The following COL25A1 variants were observed in gnomAD, a reference collection of about 807,000 sequenced individuals.
COL25A1 encodes collagen type XXV alpha 1 chain.
COL25A1 carries 103 observed loss-of-function variants against 128.4 expected under a neutral mutation model. The ratio of observed to expected loss-of-function variants is 0.80; its 90% CI spans 0.68 to 0.94. The LOEUF is 0.94. Among genes scored for constraint, COL25A1 ranks in the 40% least tolerant of loss-of-function variants. The pLI is 0.00. For synonymous variants in COL25A1, 279 were observed against 277.2 expected (o/e 1.01, Z -0.06); for missense variants, 745 against 840.0 (o/e 0.89, Z 1.40).
chr4:108,983,170 T>G (rs1336636307), intron 6 of COL25A1, among the ~76,000 whole-genome samples: 1 of 151,382 alleles, frequency 6.6e-6, no homozygotes. Flanking sequence ...TTGCTAAAAC[T>G]TCTTTGTTTA....
At chr4:109,116,156 G>A (rs760185400) in intron 3 of COL25A1, among the ~76,000 whole-genome samples, 1 of 152,064 alleles carries the variant, frequency 6.6e-6, no homozygotes, top group Non-Finnish European at 1.5e-5. Flanking sequence ...GAGGGACACA[G>A]TAATGGGGCC....
chr4:108,944,869 A>T (rs1409111404), intron 8 of COL25A1, among the ~76,000 whole-genome samples: 1 of 152,176 alleles, frequency 6.6e-6, no homozygotes, highest in Non-Finnish European at 1.5e-5. Context: ...GACTGTGAAA[A>T]TGCTACCAAT....
At chr4:109,092,726 T>C (rs1002168240) in intron 3 of COL25A1, among the ~76,000 whole-genome samples, 1 of 152,222 alleles carries the variant, frequency 6.6e-6, no homozygotes, top group Non-Finnish European at 1.5e-5. Context: ...TGACAATGTC[T>C]ACAAGACATT....
chr4:109,211,036 G>A (rs1202642684), intron 3 of COL25A1, among the ~76,000 whole-genome samples: 1 of 151,816 alleles, frequency 6.6e-6, no homozygotes, highest in African/African-American at 2.4e-5. Context: ...GAACGGAGAG[G>A]AGGGTGGATG....
intron 14 of COL25A1, 129 bp from the exon 15 acceptor site, chr4:108,899,309 G>T: frequency 1.4e-6 from 1 of 717,198 alleles, no homozygotes; most frequent in Non-Finnish European, 2.3e-6. Flanking sequence ...TTGGCTACAT[G>T]CAGTTGCTAT....
chr4:109,086,637 G>A (rs1022889770), intron 3 of COL25A1, among the ~76,000 whole-genome samples: 4 of 152,144 alleles, frequency 2.6e-5, no homozygotes, highest in Non-Finnish European at 5.9e-5. Context: ...GACTCTTAAT[G>A]CATCTAAATA....
intron 3 of COL25A1, among the ~76,000 whole-genome samples, chr4:109,267,647 T>C (rs1781882841): frequency 6.6e-6 from 1 of 152,138 alleles, no homozygotes. Flanking sequence ...TCCAAAAATC[T>C]GAAATCTGAA....
intron 3 of COL25A1, among the ~76,000 whole-genome samples, chr4:109,292,257 A>G (rs1724544155): frequency 6.6e-6 from 1 of 152,102 alleles, no homozygotes; most frequent in South Asian, 2.1e-4. Flanking sequence ...GGTTTCTCAT[A>G]TAATTTCATT....
intron 3 of COL25A1, among the ~76,000 whole-genome samples, chr4:109,262,417 G>C (rs1781516433): frequency 6.6e-6 from 1 of 152,070 alleles, no homozygotes. Flanking sequence ...GGGAGGCTGA[G>C]GCAGGAGAAT....
intron 16 of COL25A1, among the ~76,000 whole-genome samples, chr4:108,894,898 C>A (rs2125854011): frequency 6.6e-6 from 1 of 152,304 alleles, no homozygotes; most frequent in African/African-American, 2.4e-5. Context: ...TGATACTCAA[C>A]TGTGGGTGGC....
chr4:109,205,369 G>A (rs1379567632), intron 3 of COL25A1, among the ~76,000 whole-genome samples: 2 of 152,080 alleles, frequency 1.3e-5, no homozygotes, highest in African/African-American at 4.8e-5. Flanking sequence ...TAAAGACTAC[G>A]TTTCCCAGCC....
intron 3 of COL25A1, among the ~76,000 whole-genome samples, chr4:109,145,489 A>G (rs985258978): frequency 3.9e-5 from 6 of 152,204 alleles, no homozygotes; most frequent in Admixed American, 6.5e-5. Context: ...TCTTTATTTC[A>G]TTCCTTTTAT....
chr4:108,851,498 A>G (rs1735772692), intron 26 of COL25A1, among the ~76,000 whole-genome samples: 1 of 152,172 alleles, frequency 6.6e-6, no homozygotes, highest in Non-Finnish European at 1.5e-5. Context: ...ACAAAAGATG[A>G]ATTCTGAAAT....
At chr4:109,088,236 T>C (rs192727052) in intron 3 of COL25A1, among the ~76,000 whole-genome samples, 22 of 152,190 alleles carry the variant, frequency 1.4e-4, no homozygotes, top group Non-Finnish European at 2.8e-4. Flanking sequence ...ACATCTTTAA[T>C]TTCCTCAGCT....
chr4:109,300,273 A>G (rs1211263095), intron 3 of COL25A1, among the ~76,000 whole-genome samples: 1 of 152,084 alleles, frequency 6.6e-6, no homozygotes, highest in African/African-American at 2.4e-5. Flanking sequence ...TGTAGACATT[A>G]AGACAATTTA....
chr4:108,869,741 A>T (rs73840726), intron 19 of COL25A1, among the ~76,000 whole-genome samples: 2,991 of 152,296 alleles, frequency 0.02, 98 homozygotes, highest in African/African-American at 0.066. Context: ...GAGGTCAAAT[A>T]TAAGAGTTTA....
intron 20 of COL25A1, among the ~76,000 whole-genome samples, chr4:108,864,506 C>T (rs1737644011): frequency 6.6e-6 from 1 of 152,174 alleles, no homozygotes; most frequent in Non-Finnish European, 1.5e-5. Context: ...TCGGGTTTTA[C>T]AGTTTTTTAA....
chr4:109,092,129 A>G (rs1764967178), intron 3 of COL25A1, among the ~76,000 whole-genome samples: 1 of 152,192 alleles, frequency 6.6e-6, no homozygotes, highest in African/African-American at 2.4e-5. Context: ...CGACCCAGGG[A>G]AAGTGACCGT....
chr4:109,131,627 G>A (rs1422621761), intron 3 of COL25A1, among the ~76,000 whole-genome samples: 1 of 152,150 alleles, frequency 6.6e-6, no homozygotes, highest in Admixed American at 6.5e-5. Context: ...ACCAACCAGA[G>A]CAGTAAAATC....
Sources: gnomAD v4.1 joint callset for allele counts (sites outside exome capture counted in the v4.1 genomes callset) on GRCh38, gnomAD v4.1.1 for gene constraint, MANE v1.5 for transcripts, NCBI Gene and HGNC (gene_info 2026-07-23, HGNC 2026-07-21) for gene names.